GRID2: variants seen among roughly 807,000 people sequenced by gnomAD.
The protein encoded by GRID2 is glutamate receptor ionotropic, delta-2.
In GRID2, 33 loss-of-function variants were observed where a neutral mutation model predicts 114.8. That is an observed-to-expected ratio of 0.29 (90% confidence interval 0.22 to 0.38). GRID2 has a LOEUF of 0.38. GRID2 is among the 10% of genes least tolerant of loss of function. The pLI is 1.00. For missense variants in GRID2, 1,184 were observed against 1,257.7 expected (o/e 0.94, Z 0.89); for synonymous variants, 505 against 449.9 (o/e 1.12, Z -1.55).
intron 13 of GRID2, among the ~76,000 whole-genome samples, chr4:93,581,997 G>T (rs1448086338): frequency 6.6e-6 from 1 of 152,024 alleles, no homozygotes; most frequent in Non-Finnish European, 1.5e-5. Flanking sequence ...TGCATATTTT[G>T]TGCTCCATGT....
intron 8 of GRID2, among the ~76,000 whole-genome samples, chr4:93,312,661 C>T (rs1369967188): frequency 1.3e-5 from 2 of 152,108 alleles, no homozygotes; most frequent in East Asian, 3.9e-4. Context: ...TTCTTTTCCC[C>T]AAACCCCTTA....
At chr4:92,755,829 C>T (rs1737689198) in intron 2 of GRID2, among the ~76,000 whole-genome samples, 1 of 152,044 alleles carries the variant, frequency 6.6e-6, no homozygotes, top group Non-Finnish European at 1.5e-5. Flanking sequence ...GTTATATTTA[C>T]ATGTTTTTAT....
At chr4:93,702,329 G>A (rs1173882278) in intron 14 of GRID2, among the ~76,000 whole-genome samples, 1 of 151,950 alleles carries the variant, frequency 6.6e-6, no homozygotes, top group Non-Finnish European at 1.5e-5. Flanking sequence ...TTGCAAATTG[G>A]CATCATATTT....
chr4:93,384,438 CT>C (rs1764135353), intron 8 of GRID2, among the ~76,000 whole-genome samples: 1 of 152,098 alleles, frequency 6.6e-6, no homozygotes, highest in Non-Finnish European at 1.5e-5. Flanking sequence ...CAAATATCTC[CT>C]TTGTAAAACA....
At chr4:93,591,625 G>A (rs987231936) in intron 13 of GRID2, among the ~76,000 whole-genome samples, 2 of 151,854 alleles carry the variant, frequency 1.3e-5, no homozygotes, top group African/African-American at 4.8e-5. Context: ...AGTTTCAGAA[G>A]GAATGGTACC....
chr4:92,748,632 G>GTATTATTATTAT lies in GRID2; in HGVS notation c.244+158381_244+158392dup, dbSNP rs10673614. ...TCGATTTGTACCATTTAATTAAATTGTATTATTATTATTATTATTATTATT... is the reference window on the plus strand; with the variant it reads ...TCGATTTGTACCATTTAATTAAATTGTATTATTATTATTATTATTATTATTATTATTATTATT... On this transcript the variant is annotated intron_variant, in intron 2 of 15. Coordinates refer to ENST00000282020, the MANE Select transcript of GRID2 (RefSeq NM_001510.4). Among the ~76,000 whole-genome samples, 439 of 137,754 alleles carry GTATTATTATTAT rather than the reference G, an allele frequency of 3.2e-3. 3 individuals carry two copies. The highest frequency in any genetic ancestry group is 0.01 in the South Asian group (41 of 4,092). 90.4% of individuals were successfully genotyped at this position (137,754 alleles called of 152,430 possible). A position where few individuals can be genotyped will look rare whatever the true frequency, so the allele number is the denominator to read the frequency against.
chr4:93,645,295 A>C (rs1002828980), intron 14 of GRID2, among the ~76,000 whole-genome samples: 4 of 152,162 alleles, frequency 2.6e-5, no homozygotes, highest in African/African-American at 7.2e-5. Context: ...AACTGGTTTG[A>C]GAGTGAAAGT....
At chr4:92,924,826 C>G (rs1364267315) in intron 2 of GRID2, among the ~76,000 whole-genome samples, 1 of 151,986 alleles carries the variant, frequency 6.6e-6, no homozygotes, top group Non-Finnish European at 1.5e-5. Flanking sequence ...ACATTTTTGC[C>G]TGATTTATCA....
At chr4:93,567,085 T>C (rs1735500161) in intron 13 of GRID2, among the ~76,000 whole-genome samples, 1 of 152,158 alleles carries the variant, frequency 6.6e-6, no homozygotes, top group Admixed American at 6.5e-5. Context: ...TGAATCAGGA[T>C]GTCTAGTTGT....
At chr4:93,062,646 G>A (rs1727909775) in intron 2 of GRID2, among the ~76,000 whole-genome samples, 1 of 151,910 alleles carries the variant, frequency 6.6e-6, no homozygotes, top group Non-Finnish European at 1.5e-5. Flanking sequence ...ACTAGAGTTT[G>A]TCAAAGTCAC....
chr4:92,587,326 G>A (rs1728499374), intron 1 of GRID2, among the ~76,000 whole-genome samples: 1 of 151,978 alleles, frequency 6.6e-6, no homozygotes, highest in African/African-American at 2.4e-5. Flanking sequence ...TAACAAAGTA[G>A]ATCTAGTACC....
intron 1 of GRID2, among the ~76,000 whole-genome samples, chr4:93,804,786 C>A (rs1463344859): frequency 6.6e-6 from 1 of 152,142 alleles, no homozygotes; most frequent in Non-Finnish European, 1.5e-5. Flanking sequence ...AAAAGCCTAG[C>A]CATCCCATAA....
At chr4:92,953,847 G>GAA (rs531506711) in intron 2 of GRID2, among the ~76,000 whole-genome samples, 151 of 151,894 alleles carry the variant, frequency 9.9e-4, no homozygotes, top group Admixed American at 1.8e-3. Context: ...TTAAACAACT[G>GAA]AAACAAGTTT....
intron 2 of GRID2, among the ~76,000 whole-genome samples, chr4:92,764,326 C>A (rs1388092953): frequency 6.6e-6 from 1 of 152,034 alleles, no homozygotes; most frequent in African/African-American, 2.4e-5. Flanking sequence ...GGGAAGCATC[C>A]CAAAATAGTA....
rs929932930 is a variant in GRID2, at chr4:92,413,627, G to T, written c.88+108883G>T. 3.3e-5 allele frequency among the ~76,000 whole-genome samples: 5 copies of T among 152,100 alleles called. No individual in the cohort carries two copies. In the South Asian group the frequency reaches 1.0e-3, roughly 32 times the overall value. ...ATGAGTTTACATATGGAAAGTGTTT[G>T]GGAAGGATTCCAAAAGGATGGGATG... is the stretch of plus-strand genomic sequence containing the variant. On this transcript the variant is annotated intron_variant, in intron 1 of 15. Transcript: ENST00000282020.
intron 8 of GRID2, among the ~76,000 whole-genome samples, chr4:93,342,347 G>T (rs895309763): frequency 1.3e-5 from 2 of 151,920 alleles, no homozygotes; most frequent in Non-Finnish European, 2.9e-5. Flanking sequence ...TGCCAAGACT[G>T]CTCTCTCTTC....
intron 2 of GRID2, among the ~76,000 whole-genome samples, chr4:92,791,966 G>A (rs1250532533): frequency 4.0e-5 from 6 of 151,758 alleles, no homozygotes; most frequent in African/African-American, 1.5e-4. Flanking sequence ...TGTAATATAT[G>A]GATATACTTA....
chr4:92,619,727 C>T (rs966022987), intron 2 of GRID2, among the ~76,000 whole-genome samples: 1 of 151,702 alleles, frequency 6.6e-6, no homozygotes, highest in Non-Finnish European at 1.5e-5. Context: ...TCAGTATTTT[C>T]AGTATTTGCT....
At chr4:92,671,339 A>G (rs974443183) in intron 2 of GRID2, among the ~76,000 whole-genome samples, 2 of 152,116 alleles carry the variant, frequency 1.3e-5, no homozygotes, top group Non-Finnish European at 2.9e-5. Context: ...ACTTGGGATC[A>G]CAATTCAACA....
Sources: gnomAD v4.1 joint callset for allele counts (sites outside exome capture counted in the v4.1 genomes callset) on GRCh38, gnomAD v4.1.1 for gene constraint, MANE v1.5 for transcripts, NCBI Gene and HGNC (gene_info 2026-07-23, HGNC 2026-07-21) for gene names.